Variants in ACSM4 observed in about 807,000 individuals in gnomAD.
ACSM4 encodes the protein acyl-CoA synthetase medium chain family member 4, also known as acyl-coenzyme A synthetase ACSM4, mitochondrial.
Under a neutral mutation model 73.0 loss-of-function variants are expected in ACSM4, and 66 were observed. The observed-to-expected ratio is 0.90, with a 90% confidence interval of 0.74 to 1.11. ACSM4 has a LOEUF of 1.11. Among genes scored for constraint, ACSM4 ranks in the 50% least tolerant of loss-of-function variants. ACSM4 has a pLI of 0.00. For missense variants in ACSM4, 645 were observed against 714.4 expected, an observed-to-expected ratio of 0.90 and a Z score of 1.11; for synonymous variants, 222 against 254.0, an observed-to-expected ratio of 0.87 and a Z score of 1.20.
intron 7 of ACSM4, among the ~76,000 whole-genome samples, chr12:7,322,902 T>C (rs1468839052): frequency 6.6e-6 from 1 of 152,050 alleles, no homozygotes; most frequent in Non-Finnish European, 1.5e-5. Context: ...AAGGAGTGGT[T>C]TTCAAAGTGT....
chr12:7,320,766 C>T lies in ACSM4; in HGVS notation c.963C>T (p.Pro321=), dbSNP rs1411161761. 7 of 1,613,750 alleles carry T rather than the reference C, an allele frequency of 4.3e-6. No individual in the cohort carries two copies. Among genetic ancestry groups the T allele is most frequent in the Admixed American group, 1.7e-5 (1 of 59,988 alleles). ...CCATCACGACCCTGTGCAGTCCTCC[C>T]ACTGTGTACCGGATGCTCGTGCAAA... ...TYPITTLCSP[P]TVYRMLVQKD... The change falls in exon 6 of 13, where the codon CCC becomes CCT. Residue 321 remains proline (P), a synonymous_variant. Transcript: ENST00000399422.
intron 5 of ACSM4, chr12:7,318,511 T>G (rs762255936): frequency 8.9e-5 from 19 of 213,676 alleles, no homozygotes; most frequent in African/African-American, 4.1e-4. Context: ...TCATTTCTAA[T>G]TCAATGAAAT....
At chr12:7,311,720 T>C (rs1946391722) in intron 3 of ACSM4, among the ~76,000 whole-genome samples, 1 of 152,182 alleles carries the variant, frequency 6.6e-6, no homozygotes, top group Non-Finnish European at 1.5e-5. Context: ...AGACAGGGTC[T>C]CACTTTGTCA....
At chr12:7,311,802 A>T (rs1157859598) in intron 3 of ACSM4, among the ~76,000 whole-genome samples, 1 of 151,900 alleles carries the variant, frequency 6.6e-6, no homozygotes, top group Non-Finnish European at 1.5e-5. Flanking sequence ...TGATCCTCCC[A>T]CCTGAGCCTC....
intron 12 of ACSM4, among the ~76,000 whole-genome samples, chr12:7,327,489 A>G (rs1946517111): frequency 6.6e-6 from 1 of 152,196 alleles, no homozygotes; most frequent in Non-Finnish European, 1.5e-5. Context: ...GTATCAAGTG[A>G]CCTCATTTAG....
At chr12:7,326,571 G>T (rs1946507559) in intron 11 of ACSM4, among the ~76,000 whole-genome samples, 1 of 152,080 alleles carries the variant, frequency 6.6e-6, no homozygotes, top group African/African-American at 2.4e-5. Flanking sequence ...CCTCCAAACT[G>T]CTTTGAAACC....
chr12:7,306,528 G>C lies in ACSM4; in HGVS notation c.202-5G>C. On this transcript the variant is annotated splice_polypyrimidine_tract_variant and splice_region_variant and intron_variant, in intron 1 of 12. Coordinates refer to ENST00000399422, the MANE Select transcript of ACSM4 (RefSeq NM_001080454.2). Reference sequence around the variant, plus strand: ...CCCCTCTCTTTTCCATGTGTCCCTGGTCAGACAGGGGAGAGACCAGCTAAC... The same window carrying C: ...CCCCTCTCTTTTCCATGTGTCCCTGCTCAGACAGGGGAGAGACCAGCTAAC... 1 of 1,583,206 alleles carries C rather than the reference G, an allele frequency of 6.3e-7. No homozygotes were observed. The highest frequency in any genetic ancestry group is 8.6e-7 in the Non-Finnish European group (1 of 1,164,808).
chr12:7,309,267 C>T (rs1022863600), intron 2 of ACSM4, among the ~76,000 whole-genome samples: 1 of 152,146 alleles, frequency 6.6e-6, no homozygotes, highest in Non-Finnish European at 1.5e-5. Flanking sequence ...CCACTGGAAT[C>T]CATAGAGAAG....
At chr12:7,323,204 A>G (rs1946477540) in intron 7 of ACSM4, 30 bp from the exon 8 acceptor site, 5 of 1,559,556 alleles carry the variant, frequency 3.2e-6, no homozygotes, top group Middle Eastern at 1.7e-4. Flanking sequence ...AAACTTTTGT[A>G]TACTTATACA....
At chr12:7,317,340 T>A in intron 4 of ACSM4, 60 bp downstream of exon 4, 2 of 1,482,564 alleles carry the variant, frequency 1.3e-6, no homozygotes, top group South Asian at 2.7e-5. Context: ...AATATGCGTA[T>A]CCAACTAACT....
At chr12:7,322,326 C>A in intron 6 of ACSM4, 92 bp from the exon 7 acceptor site, 1 of 1,558,392 alleles carries the variant, frequency 6.4e-7, no homozygotes, top group Admixed American at 1.7e-5. Flanking sequence ...CCTCTCCTAG[C>A]TGCTATGCTT....
At position 7,320,748 on chromosome 12, in the gene ACSM4, G is replaced by C. The variant is rs368436489; in HGVS notation, c.945G>C (p.Thr315=). 1 of 1,613,588 alleles carries C rather than the reference G, an allele frequency of 6.2e-7. No homozygotes were observed. Among genetic ancestry groups the C allele is most frequent in the Non-Finnish European group, 8.5e-7 (1 of 1,179,744 alleles). The change falls in exon 6 of 13, where the codon ACG becomes ACC. Residue 315 remains threonine (T), a synonymous_variant. Transcript: ENST00000399422. ...FLDTLTTYPI[T]TLCSPPTVYR... is the part of the protein sequence containing the mutation. ...AGACACTTACTACTTATCCCATCAC[G>C]ACCCTGTGCAGTCCTCCCACTGTGT... is the stretch of plus-strand genomic sequence containing the variant.
At chr12:7,320,654 T>C in intron 5 of ACSM4, 71 bp from the exon 6 acceptor site, 1 of 1,268,398 alleles carries the variant, frequency 7.9e-7, no homozygotes, top group Non-Finnish European at 1.1e-6. Context: ...AATAACAGGG[T>C]GTAGATATCA....
chr12:7,322,699 T>C (rs551221418), intron 7 of ACSM4, among the ~76,000 whole-genome samples, 158 bp downstream of exon 7: 153 of 152,248 alleles, frequency 1.0e-3, no homozygotes, highest in South Asian at 1.7e-3. Context: ...TGCAGATTGC[T>C]CAGTTAGGTT....
At chr12:7,314,074 G>A (rs1168736851) in intron 3 of ACSM4, among the ~76,000 whole-genome samples, 2 of 152,162 alleles carry the variant, frequency 1.3e-5, no homozygotes, top group South Asian at 2.1e-4. Context: ...CTAAATCTGA[G>A]CTCTGATGAA....
chr12:7,317,895 G>T (rs1946433197), intron 4 of ACSM4, 131 bp from the exon 5 acceptor site: 2 of 972,548 alleles, frequency 2.1e-6, no homozygotes, highest in African/African-American at 1.7e-5. Context: ...CTATCACCTT[G>T]CCTGGGGCTT....
rs747211995 is a variant in ACSM4, at chr12:7,318,252, T to A, written c.921+70T>A. 38 of 1,569,650 alleles carry A rather than the reference T, an allele frequency of 2.4e-5. 1 individual carries two copies. In the African/African-American group the frequency reaches 4.1e-4, roughly 17 times the overall value. ...TGTTTCCCATAAAATCACAAAGAAA[T>A]TATTCCTTAGAATACAAGGCTTCTT... On this transcript the variant is annotated intron_variant, in intron 5 of 12. Coordinates refer to ENST00000399422, the MANE Select transcript of ACSM4 (RefSeq NM_001080454.2).
At position 7,304,123 on chromosome 12, in the gene ACSM4, C is replaced by A. The variant is rs1946347708; in HGVS notation, c.-209C>A. 6.6e-6 allele frequency among the ~76,000 whole-genome samples: 1 copy of A among 152,054 alleles called. No homozygotes were observed. Among genetic ancestry groups the A allele is most frequent in the Non-Finnish European group, 1.5e-5 (1 of 68,018 alleles). The stretch of plus-strand genomic sequence containing the variant: ...AGAATGAAGAGGAAGGGTCCAGTGG[C>A]AGGGAGACCAGTCAGTGGCTAAGGC... On this transcript the variant is annotated 5_prime_UTR_variant, in exon 1 of 13. Coordinates refer to ENST00000399422, the MANE Select transcript of ACSM4 (RefSeq NM_001080454.2).
intron 2 of ACSM4, among the ~76,000 whole-genome samples, chr12:7,308,094 A>G (rs139441947): frequency 1.0e-3 from 153 of 152,308 alleles, no homozygotes; most frequent in African/African-American, 2.9e-3. Flanking sequence ...TTCAACTTGA[A>G]ATACCACTAA....
Sources: gnomAD v4.1 joint callset for allele counts (sites outside exome capture counted in the v4.1 genomes callset) on GRCh38, gnomAD v4.1.1 for gene constraint, MANE v1.5 for transcripts, NCBI Gene and HGNC (gene_info 2026-07-23, HGNC 2026-07-21) for gene names.